The following ABCA1 variants were observed in gnomAD, a reference collection of about 807,000 sequenced individuals.
The protein encoded by ABCA1 is ATP binding cassette subfamily A member 1.
Under a neutral mutation model 262.5 loss-of-function variants are expected in ABCA1, and 133 were observed. The ratio of observed to expected loss-of-function variants is 0.51; its 90% CI spans 0.44 to 0.59. The LOEUF (loss-of-function observed/expected upper bound fraction) is 0.59. ABCA1 is among the 20% of genes least tolerant of loss of function. The probability of loss-of-function intolerance (pLI) is 0.00; values close to 1 mark genes in which losing one functional copy is unlikely to be tolerated. For synonymous variants in ABCA1, 1,022 were observed against 1,043.5 expected, an observed-to-expected ratio of 0.98 and a Z score of 0.40; for missense variants, 2,452 against 2,777.5, an observed-to-expected ratio of 0.88 and a Z score of 2.63.
chr9:104,894,566 G>A (rs1278696220), intron 2 of ABCA1, among the ~76,000 whole-genome samples: 5 of 152,206 alleles, frequency 3.3e-5, no homozygotes. Flanking sequence ...TTTTACAGAA[G>A]AGGAAGCTGA....
rs147273576 is a variant in ABCA1 at position 104,811,187 on chromosome 9, C to T, written c.4051-263G>A. On this transcript the variant is annotated intron_variant, in intron 28 of 49. Coordinates refer to ENST00000374736, the MANE Select transcript of ABCA1 (RefSeq NM_005502.4). The stretch of plus-strand genomic sequence containing the variant: ...GGCAGAGGCACTAAGCCAAGAAGTT[C>T]ACGAAGTAAATAGTGCTCACATTCA... Among the ~76,000 whole-genome samples, 208 of 152,372 alleles carry T rather than the reference C, an allele frequency of 1.4e-3. 3 individuals are homozygous for T. The highest frequency in any genetic ancestry group is 9.8e-4 in the Admixed American group (15 of 15,304).
chr9:104,914,631 G>T (rs968269610), intron 1 of ABCA1, among the ~76,000 whole-genome samples: 8 of 152,034 alleles, frequency 5.3e-5, no homozygotes, highest in African/African-American at 1.7e-4. Context: ...ACAAGCTACT[G>T]TGTCTCACCA....
intron 10 of ABCA1, 123 bp from the exon 11 acceptor site, chr9:104,837,219 C>T: frequency 9.5e-7 from 1 of 1,051,834 alleles, no homozygotes; most frequent in Non-Finnish European, 1.4e-6. Context: ...TCCCCATCCC[C>T]AAGAAATGCC....
intron 9 of ABCA1, among the ~76,000 whole-genome samples, chr9:104,838,446 C>CA (rs1834029151): frequency 7.9e-6 from 1 of 126,428 alleles, no homozygotes; most frequent in Non-Finnish European, 1.6e-5. Context: ...CGTCTCTACT[C>CA]AAAATACAAA....
intron 44 of ABCA1, among the ~76,000 whole-genome samples, chr9:104,790,476 T>A (rs1829332249): frequency 6.6e-6 from 1 of 152,316 alleles, no homozygotes; most frequent in African/African-American, 2.4e-5. Flanking sequence ...GAAATATTCA[T>A]AATACACTCA....
intron 2 of ABCA1, among the ~76,000 whole-genome samples, chr9:104,890,758 T>G (rs892051450): frequency 1.3e-5 from 2 of 152,112 alleles, no homozygotes; most frequent in African/African-American, 4.8e-5. Context: ...GCCACTGCAC[T>G]GAGCCAAAGC....
At chr9:104,831,149 TAAAAAAAA>T (rs34121951) in intron 13 of ABCA1, 48 bp from the exon 14 acceptor site, 11 of 926,228 alleles carry the variant, frequency 1.2e-5, no homozygotes, top group African/African-American at 6.2e-5. Context: ...AACCATACAA[TAAAAAAAA>T]AAAAAAAAAA....
intron 5 of ABCA1, among the ~76,000 whole-genome samples, chr9:104,864,460 A>T (rs1454720066): frequency 2.6e-5 from 4 of 152,150 alleles, no homozygotes; most frequent in Admixed American, 2.6e-4. Context: ...GGTAGACATT[A>T]ATCACTGTAC....
chr9:104,802,300 C>T, intron 33 of ABCA1, 141 bp from the exon 34 acceptor site: 2 of 757,304 alleles, frequency 2.6e-6, no homozygotes, highest in South Asian at 2.9e-5. Flanking sequence ...AGAGAAGTTA[C>T]ACGTCAGCTT....
Position 104,884,971 on chromosome 9 carries a change from C to T in ABCA1, c.161-403G>A, listed in dbSNP as rs145562918. On this transcript the variant is annotated intron_variant, in intron 3 of 49. Coordinates refer to ENST00000374736, the MANE Select transcript of ABCA1 (RefSeq NM_005502.4). Reference sequence around the variant, plus strand: ...ATGAAGTGGGCTGGGCACAGTGGCTCGCGCCTGTAATCCCAGCACTTTGGG... The same window carrying T: ...ATGAAGTGGGCTGGGCACAGTGGCTTGCGCCTGTAATCCCAGCACTTTGGG... Among the ~76,000 whole-genome samples the T allele has an allele frequency of 7.3e-3, 1,116 of 152,302 alleles. 18 individuals are homozygous for T. Among genetic ancestry groups the T allele is most frequent in the African/African-American group, 0.026 (1,065 of 41,572 alleles).
chr9:104,886,134 C>T (rs1839148434), intron 3 of ABCA1, among the ~76,000 whole-genome samples: 2 of 152,158 alleles, frequency 1.3e-5, no homozygotes, highest in Admixed American at 6.5e-5. Context: ...TGAGGATTTT[C>T]CAGGCACTGT....
chr9:104,848,223 T>G (rs1423856837), intron 7 of ABCA1, among the ~76,000 whole-genome samples: 1 of 152,196 alleles, frequency 6.6e-6, no homozygotes, highest in Non-Finnish European at 1.5e-5. Context: ...CACTTGAATA[T>G]GACCAAAATC....
At chr9:104,891,817 T>C (rs1005345327) in intron 2 of ABCA1, among the ~76,000 whole-genome samples, 2 of 150,886 alleles carry the variant, frequency 1.3e-5, no homozygotes, top group Admixed American at 6.6e-5. Flanking sequence ...AATACAAAAT[T>C]AGCCGGGCGT....
chr9:104,909,691 C>T (rs1329778179), intron 1 of ABCA1, among the ~76,000 whole-genome samples: 1 of 151,388 alleles, frequency 6.6e-6, no homozygotes, highest in Non-Finnish European at 1.5e-5. Context: ...GAAATGATGA[C>T]CCTAGTTAGC....
intron 7 of ABCA1, among the ~76,000 whole-genome samples, chr9:104,857,389 C>T (rs144431307): frequency 0.012 from 1,866 of 152,204 alleles, 27 homozygotes; most frequent in African/African-American, 0.032. Flanking sequence ...CCCACCATCA[C>T]GCCCGGCTAT....
At chr9:104,884,707 T>A in intron 3 of ABCA1, 139 bp from the exon 4 acceptor site, 1 of 1,013,360 alleles carries the variant, frequency 9.9e-7, no homozygotes, top group Non-Finnish European at 1.5e-6. Context: ...CTCTTCTGAA[T>A]AAAACTGACT....
At chr9:104,895,462 G>A (rs1840111112) in intron 2 of ABCA1, among the ~76,000 whole-genome samples, 1 of 150,550 alleles carries the variant, frequency 6.6e-6, no homozygotes, top group Non-Finnish European at 1.5e-5. Context: ...CCAGGATTGT[G>A]ACAACCAAAA....
chr9:104,836,445 G>A (rs1389058712), intron 11 of ABCA1, among the ~76,000 whole-genome samples: 1 of 152,186 alleles, frequency 6.6e-6, no homozygotes, highest in Non-Finnish European at 1.5e-5. Flanking sequence ...TGCTCAGCCT[G>A]CTCCACATTT....
At chr9:104,788,713 C>T in intron 44 of ABCA1, 146 bp from the exon 45 acceptor site, 2 of 1,072,180 alleles carry the variant, frequency 1.9e-6, no homozygotes, top group Non-Finnish European at 2.8e-6. Flanking sequence ...AGCCTTTCTG[C>T]CCCCAGGATG....
Sources: allele counts gnomAD v4.1 joint callset (sites outside exome capture counted in the v4.1 genomes callset), GRCh38; gene constraint gnomAD v4.1.1; transcripts MANE v1.5; gene names NCBI Gene and HGNC (gene_info 2026-07-23, HGNC 2026-07-21).